The following RPH3AL variants were observed in gnomAD, a reference collection of about 807,000 sequenced individuals.
RPH3AL encodes the protein rab effector Noc2.
In RPH3AL, 38 loss-of-function variants were observed where a neutral mutation model predicts 43.1. The ratio of observed to expected loss-of-function variants is 0.88; its 90% CI spans 0.68 to 1.15. The LOEUF (loss-of-function observed/expected upper bound fraction) is 1.15. Among genes scored for constraint, RPH3AL ranks in the 50% most tolerant of loss-of-function variants. The probability of loss-of-function intolerance (pLI) is 0.00; values close to 1 mark genes in which losing one functional copy is unlikely to be tolerated. For missense variants in RPH3AL, 462 were observed against 423.2 expected (o/e 1.09, Z -0.81); for synonymous variants, 189 against 176.3 (o/e 1.07, Z -0.57).
intron 5 of RPH3AL, among the ~76,000 whole-genome samples, chr17:308,174 G>A (rs779487765): frequency 6.6e-6 from 1 of 152,220 alleles, no homozygotes; most frequent in African/African-American, 2.4e-5. Context: ...ATTTGCAGGC[G>A]ACTGAGATGA....
At chr17:320,271 G>T (rs747805686) in intron 4 of RPH3AL, among the ~76,000 whole-genome samples, 1 of 151,150 alleles carries the variant, frequency 6.6e-6, no homozygotes, top group Non-Finnish European at 1.5e-5. Flanking sequence ...CATGGGACCA[G>T]CGAAGGCTCT....
intron 6 of RPH3AL, among the ~76,000 whole-genome samples, chr17:272,433 G>T (rs1045590651): frequency 4.6e-5 from 7 of 151,878 alleles, no homozygotes; most frequent in Admixed American, 6.6e-5. Flanking sequence ...CCATAAAAAA[G>T]GATGAGTTCA....
At chr17:242,881 A>ATTACCTTCCT (rs1567577037) in intron 7 of RPH3AL, among the ~76,000 whole-genome samples, 11 of 116,040 alleles carry the variant, frequency 9.5e-5, no homozygotes, top group African/African-American at 1.6e-4. Flanking sequence ...TCCTCTATTG[A>ATTACCTTCCT]CTACCTTCCT....
intron 6 of RPH3AL, among the ~76,000 whole-genome samples, chr17:259,081 T>A (rs1183798122): frequency 6.6e-6 from 1 of 152,138 alleles, no homozygotes; most frequent in Non-Finnish European, 1.5e-5. Context: ...GATGGATCAT[T>A]CCCTGTGAGT....
intron 5 of RPH3AL, among the ~76,000 whole-genome samples, chr17:294,050 AC>A (rs1402153632): frequency 1.3e-5 from 2 of 151,924 alleles, no homozygotes; most frequent in African/African-American, 4.8e-5. Context: ...TAAAAATAAA[AC>A]CCAGCAAATC....
At chr17:270,097 A>C (rs1306900237) in intron 6 of RPH3AL, among the ~76,000 whole-genome samples, 1 of 152,030 alleles carries the variant, frequency 6.6e-6, no homozygotes, top group Non-Finnish European at 1.5e-5. Flanking sequence ...AGGAAGTATG[A>C]CCATCCGGGT....
chr17:291,837 C>T (rs982024534), intron 5 of RPH3AL, among the ~76,000 whole-genome samples: 11 of 152,230 alleles, frequency 7.2e-5, no homozygotes, highest in East Asian at 3.9e-4. Context: ...CGCTCCACCA[C>T]GTAAATATGT....
intron 5 of RPH3AL, among the ~76,000 whole-genome samples, chr17:312,093 CTAGT>C (rs916573962): frequency 3.3e-5 from 5 of 152,064 alleles, no homozygotes; most frequent in African/African-American, 4.8e-5. Context: ...TGCTTGAGGG[CTAGT>C]TAGAGACCAG....
At chr17:298,002 C>A (rs1282724939) in intron 5 of RPH3AL, among the ~76,000 whole-genome samples, 1 of 152,142 alleles carries the variant, frequency 6.6e-6, no homozygotes, top group Non-Finnish European at 1.5e-5. Context: ...CCGGCCTTGC[C>A]AAGCCCACCA....
intron 6 of RPH3AL, among the ~76,000 whole-genome samples, chr17:262,929 G>T (rs538086461): frequency 6.6e-6 from 1 of 152,274 alleles, no homozygotes; most frequent in East Asian, 1.9e-4. Context: ...CTCTGCCCAC[G>T]ACTGGCTCTG....
intron 3 of RPH3AL, among the ~76,000 whole-genome samples, chr17:326,451 C>G (rs2044622603): frequency 6.6e-6 from 1 of 152,170 alleles, no homozygotes; most frequent in African/African-American, 2.4e-5. Flanking sequence ...CCAGAGACGC[C>G]CAGCCCCTCT....
intron 5 of RPH3AL, among the ~76,000 whole-genome samples, chr17:294,636 T>C (rs2043128612): frequency 1.5e-5 from 1 of 64,940 alleles, no homozygotes; most frequent in Non-Finnish European, 3.2e-5. Context: ...GCTGCAGAAA[T>C]GGACAGCAGA....
intron 1 of RPH3AL, chr17:336,102 G>C (rs1438907297): frequency 1.4e-5 from 1 of 70,116 alleles, no homozygotes; most frequent in Non-Finnish European, 3.2e-5. Flanking sequence ...CACCGAGCCG[G>C]TGCTTCCCGA....
At chr17:275,662 C>G (rs763787119) in intron 6 of RPH3AL, among the ~76,000 whole-genome samples, 10 of 152,214 alleles carry the variant, frequency 6.6e-5, no homozygotes, top group Non-Finnish European at 1.5e-4. Context: ...GTCCTCCCAC[C>G]TCAGCCTCCT....
At chr17:251,405 G>A (rs1204568119) in intron 6 of RPH3AL, among the ~76,000 whole-genome samples, 4 of 152,180 alleles carry the variant, frequency 2.6e-5, no homozygotes, top group African/African-American at 9.7e-5. Flanking sequence ...CACTTTTCAG[G>A]TGGGGAAACT....
At chr17:242,241 A>G (rs1327744778) in intron 7 of RPH3AL, among the ~76,000 whole-genome samples, 1 of 151,934 alleles carries the variant, frequency 6.6e-6, no homozygotes, top group Non-Finnish European at 1.5e-5. Context: ...TGTAGTATCT[A>G]TTCATGATTA....
Position 213,805 on chromosome 17 carries a change from C to A in RPH3AL, c.*47G>T. On this transcript the variant is annotated 3_prime_UTR_variant, in exon 10 of 10. Transcript: ENST00000331302. ...CGGTCAGGGAGGAGCCGGGCAGGGT[C>A]TGGCAGGAATCCTCCACAGGGAAGT... is the stretch of plus-strand genomic sequence containing the variant. The A allele has an allele frequency of 6.6e-7, 1 of 1,513,416 alleles. No homozygotes were observed. The highest frequency in any genetic ancestry group is 9.2e-7 in the Non-Finnish European group (1 of 1,091,938). 93.7% of individuals were successfully genotyped at this position (1,513,416 alleles called of 1,614,324 possible).
At chr17:331,256 A>T in intron 2 of RPH3AL, 2 of 70,450 alleles carry the variant, frequency 2.8e-5, no homozygotes, top group South Asian at 1.9e-4. Context: ...GAAGAGCCAC[A>T]GAGCCAAATG....
chr17:272,578 G>C (rs1298356734), intron 6 of RPH3AL, among the ~76,000 whole-genome samples: 2 of 126,096 alleles, frequency 1.6e-5, no homozygotes, highest in Non-Finnish European at 3.2e-5. Context: ...ACACAGGAAA[G>C]GGAACATCAC....
Sources: gnomAD v4.1 joint callset for allele counts (sites outside exome capture counted in the v4.1 genomes callset) on GRCh38, gnomAD v4.1.1 for gene constraint, MANE v1.5 for transcripts, NCBI Gene and HGNC (gene_info 2026-07-23, HGNC 2026-07-21) for gene names.